CUL4B: variants seen among roughly 807,000 people sequenced by gnomAD.
The protein encoded by CUL4B is cullin 4B.
CUL4B carries 1 observed loss-of-function variant against 69.2 expected under a neutral mutation model. That is an observed-to-expected ratio of 0.01 (90% CI 0.01 to 0.07). The LOEUF (loss-of-function observed/expected upper bound fraction) is 0.07. Among genes scored for constraint, CUL4B ranks in the 10% least tolerant of loss-of-function variants. The pLI is 1.00. For missense variants in CUL4B, 328 were observed against 638.8 expected (o/e 0.51, Z 5.24); for synonymous variants, 237 against 223.2 (o/e 1.06, Z -0.55).
Position 120,535,812 on chromosome X carries a change from T to C in CUL4B, c.2160+18A>G. 9.7e-7 allele frequency: 1 copy of C among 1,034,498 alleles called. No individual in the cohort carries two copies. Among genetic ancestry groups the C allele is most frequent in the South Asian group, 1.9e-5 (1 of 53,343 alleles). The allele number at this position is 1,034,498 out of a possible 1,213,427, so 85.3% of individuals were successfully genotyped here. ...AAGATAAAGATGAAAACTAAAAGTTTTGGGAACATCCACTTACCTCTTTAA... is the reference window on the plus strand; with the variant it reads ...AAGATAAAGATGAAAACTAAAAGTTCTGGGAACATCCACTTACCTCTTTAA... On this transcript the variant is annotated intron_variant, in intron 16 of 19. Transcript: ENST00000371322.
chrX:120,545,091 G>T (rs939960821), intron 5 of CUL4B, among the ~76,000 whole-genome samples: 5 of 112,032 alleles, frequency 4.5e-5, no homozygotes, highest in African/African-American at 1.6e-4. Context: ...AAGAGTTCAT[G>T]ATACTATTCT....
chrX:120,537,184 G>A (rs1923724009), intron 14 of CUL4B, 150 bp from the exon 15 acceptor site: 1 of 484,346 alleles, frequency 2.1e-6, no homozygotes, highest in Admixed American at 3.1e-5. Context: ...GACTTTAAAT[G>A]AAACCTACAC....
At chrX:120,526,970 T>C in intron 19 of CUL4B, 114 bp from the exon 20 acceptor site, 1 of 371,490 alleles carries the variant, frequency 2.7e-6, no homozygotes, top group Non-Finnish European at 4.7e-6. Context: ...AATCTCCTTT[T>C]TTAAAATTTT....
At chrX:120,549,408 C>T (rs773389984) in intron 2 of CUL4B, among the ~76,000 whole-genome samples, 3 of 111,215 alleles carry the variant, frequency 2.7e-5, no homozygotes, top group East Asian at 2.8e-4. Context: ...AAAAATTAGC[C>T]GGGTGTGGTG....
At chrX:120,556,342 G>A (rs931171449) in intron 2 of CUL4B, among the ~76,000 whole-genome samples, 1 of 111,736 alleles carries the variant, frequency 8.9e-6, no homozygotes, top group African/African-American at 3.3e-5. Flanking sequence ...AACAGAAACT[G>A]GTGATCTCAA....
At chrX:120,573,515 C>T (rs953120157) in intron 2 of CUL4B, among the ~76,000 whole-genome samples, 2 of 111,624 alleles carry the variant, frequency 1.8e-5, no homozygotes, top group Admixed American at 9.5e-5. Context: ...TTTAAAATTT[C>T]GATACACTGT....
In CUL4B at chrX:120,560,261, T is replaced by G. The variant is rs1022353335; in HGVS notation, c.378A>C (p.Ser126=). 3.3e-6 allele frequency: 4 copies of G among 1,209,938 alleles called. No individual in the cohort carries two copies. The highest frequency in any genetic ancestry group is 4.4e-5 in the Admixed American group (2 of 45,918). ...MAEESSSSSS[S]SSPTAATSQQ... ...GAGATGTTGCAGCAGTTGGTGAAGA[T>G]GAGGAGGAGGAGGAGGAGGATTCCT... The change falls in exon 1 of 20, where the codon TCA becomes TCC. Residue 126 remains serine, a synonymous_variant. Coordinates refer to ENST00000371322, the MANE Select transcript of CUL4B (RefSeq NM_001079872.2).
downstream of CUL4B, chrX:120,571,085 T>TATC (rs1357111892): frequency 2.7e-5 from 3 of 109,299 alleles, no homozygotes; most frequent in Non-Finnish European, 5.7e-5. Flanking sequence ...AGGAGATTGC[T>TATC]CTAGGGGAAG....
Position 120,560,785 on chromosome X carries a change from G to A in CUL4B, c.-147C>T. 1.6e-6 allele frequency: 1 copy of A among 626,829 alleles called. No individual in the cohort carries two copies. Among genetic ancestry groups the A allele is most frequent in the Non-Finnish European group, 2.0e-6 (1 of 488,427 alleles). The allele number at this position is 626,829 out of a possible 1,213,427, so 51.7% of individuals were successfully genotyped here. A position where few individuals can be genotyped will look rare whatever the true frequency, so the allele number is the denominator to read the frequency against. ...CAGAGGACGAGAAGGAAAGTGAAGG[G>A]GGGGGCTACACCGGGGGAATGGGAG... On this transcript the variant is annotated 5_prime_UTR_variant, in exon 1 of 20. Coordinates refer to ENST00000371322, the MANE Select transcript of CUL4B (RefSeq NM_001079872.2).
chrX:120,532,387 AGT>A, intron 18 of CUL4B, 33 bp downstream of exon 18: 1 of 1,070,623 alleles, frequency 9.3e-7, no homozygotes, highest in Non-Finnish European at 1.3e-6. Flanking sequence ...GTATAATTCC[AGT>A]GTGTTAGGAC....
intron 7 of CUL4B, 84 bp from the exon 8 acceptor site, chrX:120,543,893 C>A (rs1924161357): frequency 2.7e-6 from 2 of 730,969 alleles, no homozygotes; most frequent in Non-Finnish European, 2.1e-6. Flanking sequence ...CTGGAAGTGG[C>A]CCTGTCAAAT....
At chrX:120,528,346 G>A (rs1209836153) in intron 19 of CUL4B, among the ~76,000 whole-genome samples, 1 of 107,978 alleles carries the variant, frequency 9.3e-6, no homozygotes, top group African/African-American at 3.4e-5. Context: ...GGTGGAGGTT[G>A]TAGTGAAACG....
At chrX:120,532,706 C>T (rs1923392590) in intron 17 of CUL4B, 112 bp from the exon 18 acceptor site, 1 of 681,121 alleles carries the variant, frequency 1.5e-6, no homozygotes, top group African/African-American at 2.1e-5. Flanking sequence ...CATTTTTTCC[C>T]AAAGGTCACC....
chrX:120,543,254 A>C (rs1389582387), intron 8 of CUL4B, among the ~76,000 whole-genome samples: 2 of 111,720 alleles, frequency 1.8e-5, no homozygotes, highest in Non-Finnish European at 3.8e-5. Context: ...AAAACACTGC[A>C]TATTTTAGAA....
chrX:120,531,534 A>G (rs1419327074), intron 18 of CUL4B, among the ~76,000 whole-genome samples: 1 of 106,014 alleles, frequency 9.4e-6, no homozygotes. Flanking sequence ...ATCTCAGCTC[A>G]CTGCAACCTC....
At chrX:120,538,042 T>A in intron 14 of CUL4B, 82 bp downstream of exon 14, 1 of 684,432 alleles carries the variant, frequency 1.5e-6, no homozygotes, top group Non-Finnish European at 2.3e-6. Flanking sequence ...CGTTTCTATT[T>A]ATCCTCTTTA....
At chrX:120,533,253 G>C (rs1276466574) in intron 17 of CUL4B, among the ~76,000 whole-genome samples, 1 of 111,845 alleles carries the variant, frequency 8.9e-6, no homozygotes, top group Non-Finnish European at 1.9e-5. Flanking sequence ...CTTTATGCCT[G>C]AATCATCCCA....
At position 120,537,009 on chromosome X, in the gene CUL4B, C is replaced by T. The variant is rs1923712130; in HGVS notation, c.1964G>A (p.Gly655Glu). 1 of 1,198,058 alleles carries T rather than the reference C, an allele frequency of 8.3e-7. No individual in the cohort carries two copies. ...GATATTCACAGTTAACTCAATATTT[C>T]CCGGAACATTCTGATTCTGCATATA... The part of the protein sequence containing the change: ...KQYMQNQNVP[G>E]NIELTVNILT... The change falls in exon 15 of 20, where the codon GGA becomes GAA. Residue 655 changes from glycine to glutamate, a missense_variant. Gly to Glu is a moderately conservative substitution (Grantham distance 98). This residue lies in a region of CUL4B where 98 missense variants were observed against 296.8 expected (regional missense o/e 0.33). Coordinates refer to ENST00000371322, the MANE Select transcript of CUL4B (RefSeq NM_001079872.2).
chrX:120,573,604 G>C (rs2147359683), intron 2 of CUL4B, among the ~76,000 whole-genome samples: 1 of 111,502 alleles, frequency 9.0e-6, no homozygotes, highest in South Asian at 3.7e-4. Context: ...CATATCCTTA[G>C]CCACACTAAA....
Sources: allele counts gnomAD v4.1 joint callset (sites outside exome capture counted in the v4.1 genomes callset), GRCh38; gene constraint gnomAD v4.1.1; regional missense constraint gnomAD v4.1.1; transcripts MANE v1.5; gene names NCBI Gene and HGNC (gene_info 2026-07-23, HGNC 2026-07-21).